The following ACTN4 variants were observed in gnomAD, a reference collection of about 807,000 sequenced individuals.
The protein encoded by ACTN4 is alpha-actinin-4.
A neutral mutation model predicts 114.2 loss-of-function variants in ACTN4; 18 were observed. The observed-to-expected ratio is 0.16, with a 90% CI of 0.11 to 0.23. The LOEUF is 0.23. Ranked by LOEUF, ACTN4 falls within the 10% of genes least tolerant of loss-of-function variation. The pLI, the probability that ACTN4 is intolerant of heterozygous loss-of-function variation, is 1.00. For missense variants in ACTN4, 722 were observed against 1,262.9 expected, an observed-to-expected ratio of 0.57 and a Z score of 6.49; for synonymous variants, 515 against 506.3, an observed-to-expected ratio of 1.02 and a Z score of -0.23.
chr19:38,678,162 G>A (rs1000526476), intron 1 of ACTN4, among the ~76,000 whole-genome samples: 6 of 152,184 alleles, frequency 3.9e-5, no homozygotes, highest in South Asian at 4.1e-4. Flanking sequence ...ACCTGTGTCC[G>A]GGCAGCAGGG....
chr19:38,729,557 T>C lies in ACTN4; in HGVS notation c.*125T>C, dbSNP rs949061608. 2.4e-5 allele frequency: 2 copies of C among 81,698 alleles called. No homozygotes were observed. Among genetic ancestry groups the C allele is most frequent in the Non-Finnish European group, 2.5e-5 (1 of 40,400 alleles). The allele number at this position is 81,698 out of a possible 1,614,324, so 5.1% of individuals were successfully genotyped here. On this transcript the variant is annotated 3_prime_UTR_variant, in exon 21 of 21. Transcript: ENST00000252699. ...TCTGCAGTCCTCCGGGGTGGGTGGG[T>C]GGGCAGGGAGGGGCTGGGGCAGGCT...
chr19:38,678,731 C>T (rs767626162), intron 1 of ACTN4, among the ~76,000 whole-genome samples: 12 of 152,154 alleles, frequency 7.9e-5, no homozygotes, highest in Admixed American at 1.3e-4. Flanking sequence ...ACACCTTCTT[C>T]GCTGTCAGTG....
At chr19:38,672,490 C>A (rs1967162351) in intron 1 of ACTN4, among the ~76,000 whole-genome samples, 1 of 151,966 alleles carries the variant, frequency 6.6e-6, no homozygotes, top group East Asian at 1.9e-4. Context: ...ACCCACTCGC[C>A]TTGGCTTCCC....
chr19:38,696,554 C>T (rs370173650), intron 1 of ACTN4, among the ~76,000 whole-genome samples: 1 of 152,144 alleles, frequency 6.6e-6, no homozygotes, highest in Non-Finnish European at 1.5e-5. Context: ...ATGTCCCATT[C>T]GAACTCCAGC....
intron 1 of ACTN4, among the ~76,000 whole-genome samples, chr19:38,688,732 C>CAA (rs138810803): frequency 2.4e-4 from 36 of 150,248 alleles, no homozygotes; most frequent in East Asian, 1.2e-3. Flanking sequence ...AACCCTAAAA[C>CAA]AAAAAAAAAC....
intron 1 of ACTN4, among the ~76,000 whole-genome samples, chr19:38,676,820 T>A (rs1464468312): frequency 6.6e-6 from 1 of 152,164 alleles, no homozygotes; most frequent in Non-Finnish European, 1.5e-5. Flanking sequence ...CAGGTGCTGA[T>A]GCCAAGTTCG....
chr19:38,716,890 A>G (rs1176374637), intron 9 of ACTN4, among the ~76,000 whole-genome samples, 196 bp from the exon 10 acceptor site: 1 of 152,224 alleles, frequency 6.6e-6, no homozygotes, highest in Non-Finnish European at 1.5e-5. Context: ...AGGGACAGGG[A>G]GGGAGCCCAC....
At chr19:38,712,662 C>G (rs931961923) in intron 8 of ACTN4, among the ~76,000 whole-genome samples, 2 of 152,076 alleles carry the variant, frequency 1.3e-5, no homozygotes, top group Admixed American at 1.3e-4. Flanking sequence ...CTGACCCACA[C>G]TCCCGCGGGA....
intron 3 of ACTN4, among the ~76,000 whole-genome samples, chr19:38,702,383 A>G (rs1240391894): frequency 6.6e-6 from 1 of 151,932 alleles, no homozygotes; most frequent in African/African-American, 2.4e-5. Flanking sequence ...CTTCCACATG[A>G]TTGGGCATTC....
At chr19:38,672,618 G>T (rs138025587) in intron 1 of ACTN4, among the ~76,000 whole-genome samples, 3 of 151,868 alleles carry the variant, frequency 2.0e-5, no homozygotes, top group African/African-American at 7.3e-5. Context: ...TTGTTGCCCA[G>T]GCTGGAGTGT....
chr19:38,677,614 G>GACCCTACACTAAGCTGTT (rs1967421239), intron 1 of ACTN4, among the ~76,000 whole-genome samples: 1 of 45,404 alleles, frequency 2.2e-5, no homozygotes, highest in Non-Finnish European at 6.1e-5. Context: ...ATCTAAAAGT[G>GACCCTACACTAAGCTGTT]TGCTCTGGAA....
chr19:38,691,671 G>A (rs1967935817), intron 1 of ACTN4, among the ~76,000 whole-genome samples: 1 of 152,180 alleles, frequency 6.6e-6, no homozygotes, highest in African/African-American at 2.4e-5. Flanking sequence ...GGGAGGCTGA[G>A]GCGGGTGGAT....
chr19:38,663,346 C>T (rs1207817371), intron 1 of ACTN4, among the ~76,000 whole-genome samples: 3 of 152,230 alleles, frequency 2.0e-5, no homozygotes, highest in African/African-American at 7.2e-5. Flanking sequence ...GAGCAGAGCT[C>T]TGTGCCGAGC....
intron 1 of ACTN4, among the ~76,000 whole-genome samples, chr19:38,699,819 A>T (rs1234612816): frequency 2.6e-5 from 4 of 151,638 alleles, no homozygotes; most frequent in Non-Finnish European, 4.4e-5. Context: ...CAGGAGACAG[A>T]GGGACGGGGG....
chr19:38,660,394 G>GT (rs913363099), intron 1 of ACTN4, among the ~76,000 whole-genome samples: 7 of 149,670 alleles, frequency 4.7e-5, no homozygotes, highest in South Asian at 2.1e-4. Context: ...ACTGGTTTTT[G>GT]TTTTTTTTTC....
chr19:38,673,566 T>TTTATATATAC (rs1568689899), intron 1 of ACTN4, among the ~76,000 whole-genome samples: 2 of 83,038 alleles, frequency 2.4e-5, no homozygotes, highest in African/African-American at 7.7e-5. Flanking sequence ...CTTATATATA[T>TTTATATATAC]TTATATATAT....
In ACTN4 at chr19:38,728,045, C is replaced by CT; in HGVS notation, c.2418+19_2418+20insT. Reference sequence around the variant, plus strand: ...CCGGCAGGTACTGCACCCTGGGCCCCAGCGGACCATGGCATTAACTGCTCT... The same window carrying CT: ...CCGGCAGGTACTGCACCCTGGGCCCCTAGCGGACCATGGCATTAACTGCTCT... On this transcript the variant is annotated intron_variant, in intron 19 of 20. Transcript: ENST00000252699. 6.3e-7 allele frequency: 1 copy of CT among 1,599,310 alleles called. No homozygotes were observed. The highest frequency in any genetic ancestry group is 8.5e-7 in the Non-Finnish European group (1 of 1,173,394).
chr19:38,678,322 G>A (rs1251469096), intron 1 of ACTN4, among the ~76,000 whole-genome samples: 1 of 152,156 alleles, frequency 6.6e-6, no homozygotes, highest in African/African-American at 2.4e-5. Flanking sequence ...CTTACATCGT[G>A]AAAGCGACAG....
rs1179808544 is a variant in ACTN4, at chr19:38,700,677, C to T, written c.240C>T (p.Asp80=). ...AGAACATTGATGAGGACTTCCGAGA[C>T]GGGCTCAAGCTCATGCTGCTCCTGG... ...QIENIDEDFR[D]GLKLMLLLEV... is the part of the protein sequence containing the mutation. The change falls in exon 2 of 21, where the codon GAC becomes GAT. Residue 80 remains aspartate (D), a synonymous_variant. Coordinates refer to ENST00000252699, the MANE Select transcript of ACTN4 (RefSeq NM_004924.6). 2.3e-5 allele frequency: 37 copies of T among 1,614,056 alleles called. No homozygotes were observed. The highest frequency in any genetic ancestry group is 7.7e-5 in the South Asian group (7 of 91,092).
Sources: gnomAD v4.1 joint callset for allele counts (sites outside exome capture counted in the v4.1 genomes callset) on GRCh38, gnomAD v4.1.1 for gene constraint, MANE v1.5 for transcripts, NCBI Gene and HGNC (gene_info 2026-07-23, HGNC 2026-07-21) for gene names.